The following PCDHGA6 variants were observed in gnomAD, a reference collection of about 807,000 sequenced individuals.
The protein encoded by PCDHGA6 is protocadherin gamma-A6.
PCDHGA6 carries 41 observed loss-of-function variants against 60.6 expected under a neutral mutation model. The observed-to-expected ratio is 0.68, with a 90% confidence interval of 0.53 to 0.88. The LOEUF is 0.88. PCDHGA6 is among the 40% of genes least tolerant of loss of function. The pLI, the probability that PCDHGA6 is intolerant of heterozygous loss-of-function variation, is 0.00. For synonymous variants in PCDHGA6, 594 were observed against 524.4 expected (o/e 1.13, Z -1.81); for missense variants, 1,312 against 1,203.0 (o/e 1.09, Z -1.34).
intron 1 of PCDHGA6, among the ~76,000 whole-genome samples, chr5:141,472,042 T>C (rs2099270232): frequency 2.0e-5 from 3 of 152,146 alleles, no homozygotes; most frequent in African/African-American, 7.2e-5. Context: ...TGTGAAAAGA[T>C]TTTAAAAATG....
intron 2 of PCDHGA6, among the ~76,000 whole-genome samples, chr5:141,497,781 C>T (rs2099779421): frequency 1.3e-5 from 2 of 152,192 alleles, no homozygotes; most frequent in African/African-American, 4.8e-5. Flanking sequence ...CTCAACTGAT[C>T]CACCTGCTTC....
chr5:141,392,794 G>A (rs1002894691), intron 1 of PCDHGA6: 2 of 1,563,344 alleles, frequency 1.3e-6, no homozygotes, highest in African/African-American at 1.4e-5. Flanking sequence ...ATTCTGAGAG[G>A]ATTCTGCAGC....
intron 1 of PCDHGA6, chr5:141,410,485 A>C (rs1277289074): frequency 6.2e-7 from 1 of 1,613,898 alleles, no homozygotes; most frequent in Admixed American, 1.7e-5. Context: ...ATACGGGTAC[A>C]AAAGAGTTTA....
In PCDHGA6 at chr5:141,510,353, C is replaced by G. The variant is rs74759939; in HGVS notation, c.2573-594C>G. On this transcript the variant is annotated intron_variant, in intron 3 of 3. Transcript: ENST00000517434. ...CACCCCCACCCCACACACTTACTAA[C>G]GGAACTACCGAATCTCTACTCGTGC... is the stretch of plus-strand genomic sequence containing the variant. Among the ~76,000 whole-genome samples the G allele has an allele frequency of 1.9e-4, 28 of 146,588 alleles. No homozygotes were observed. The East Asian group carries it at 5.6e-3, about 29-fold the overall frequency.
chr5:141,486,416 C>T lies in PCDHGA6; in HGVS notation c.2425-8391C>T, dbSNP rs2154580601. The T allele has an allele frequency of 6.2e-7, 1 of 1,614,152 alleles. No individual in the cohort carries two copies. The highest frequency in any genetic ancestry group is 8.5e-7 in the Non-Finnish European group (1 of 1,180,016). On this transcript the variant is annotated intron_variant, in intron 1 of 3. Coordinates refer to ENST00000517434, the MANE Select transcript of PCDHGA6 (RefSeq NM_018919.3). This position sits in a 1 kb window ranked among gnomAD's most constrained non-coding sequence, Gnocchi z 5.0. ...CCTGGTGACTGCTGGACCCTTGGAT[C>T]GAGAGGCCAAATCTAGCTATGACAT...
chr5:141,401,010 G>A (rs62378449), intron 1 of PCDHGA6, among the ~76,000 whole-genome samples: 17,448 of 152,052 alleles, frequency 0.11, 1,158 homozygotes, highest in African/African-American at 0.18. Context: ...CCTACCTAAT[G>A]GATTTATGAT....
In PCDHGA6 at chr5:141,420,606, G is replaced by A. The variant is rs141099124; in HGVS notation, c.2424+44099G>A. On this transcript the variant is annotated intron_variant, in intron 1 of 3. Coordinates refer to ENST00000517434, the MANE Select transcript of PCDHGA6 (RefSeq NM_018919.3). Reference sequence around the variant, plus strand: ...CCTGATGCTACTCAATTTTTCTCAAGTATTTCATCTTCATTTACTCAATAA... The same window carrying A: ...CCTGATGCTACTCAATTTTTCTCAAATATTTCATCTTCATTTACTCAATAA... Among the ~76,000 whole-genome samples the A allele has an allele frequency of 2.7e-3, 411 of 152,256 alleles. 1 individual carries two copies. Among genetic ancestry groups the A allele is most frequent in the African/African-American group, 9.4e-3 (392 of 41,546 alleles).
At chr5:141,406,859 TC>T (rs1171504234) in intron 1 of PCDHGA6, among the ~76,000 whole-genome samples, 1 of 152,252 alleles carries the variant, frequency 6.6e-6, no homozygotes, top group African/African-American at 2.4e-5. Flanking sequence ...AAGAAAATAT[TC>T]TCAGGAACTG....
chr5:141,469,296 A>T (rs2099196287), intron 1 of PCDHGA6, among the ~76,000 whole-genome samples: 1 of 149,742 alleles, frequency 6.7e-6, no homozygotes, highest in Non-Finnish European at 1.5e-5. Context: ...AACAAAATAG[A>T]CTGGGCACGA....
intron 1 of PCDHGA6, chr5:141,389,244 T>C: frequency 6.2e-7 from 1 of 1,614,036 alleles, no homozygotes; most frequent in Non-Finnish European, 8.5e-7. Context: ...CTCACAGTCT[T>C]CCTATATAGT....
chr5:141,474,430 C>T (rs2099349577), intron 1 of PCDHGA6, among the ~76,000 whole-genome samples: 1 of 152,212 alleles, frequency 6.6e-6, no homozygotes, highest in African/African-American at 2.4e-5. Flanking sequence ...TTGGTCCTCA[C>T]ACTTTGAGTA....
At position 141,485,671 on chromosome 5, in the gene PCDHGA6, G is replaced by T; in HGVS notation, c.2425-9136G>T. On this transcript the variant is annotated intron_variant, in intron 1 of 3. Coordinates refer to ENST00000517434, the MANE Select transcript of PCDHGA6 (RefSeq NM_018919.3). This position sits in a 1 kb window ranked among gnomAD's most constrained non-coding sequence, Gnocchi z 5.7. The stretch of plus-strand genomic sequence containing the variant: ...AGGATGCAGATGTGGGGAGCAATTC[G>T]ATTAGCAGCTATAGGCTGAGCTCCA... 6.2e-7 allele frequency: 1 copy of T among 1,612,860 alleles called. No homozygotes were observed. The highest frequency in any genetic ancestry group is 8.5e-7 in the Non-Finnish European group (1 of 1,179,040).
chr5:141,474,289 T>C (rs11956411), intron 1 of PCDHGA6, among the ~76,000 whole-genome samples: 31,178 of 152,120 alleles, frequency 0.2, 3,304 homozygotes, highest in Admixed American at 0.31. Context: ...ACCCACTAGA[T>C]CAGTGCTTGT....
chr5:141,462,486 G>A (rs62379193), intron 1 of PCDHGA6, among the ~76,000 whole-genome samples: 5,124 of 152,042 alleles, frequency 0.034, 100 homozygotes, highest in Middle Eastern at 0.088. Flanking sequence ...CGTGGTTGTT[G>A]TATCCTATAA....
At chr5:141,421,678 G>T in intron 1 of PCDHGA6, 3 of 1,613,892 alleles carry the variant, frequency 1.9e-6, no homozygotes, top group Non-Finnish European at 2.5e-6. Context: ...AATTCCTGGG[G>T]CGCGATTTGC....
rs1468315559 is a variant in PCDHGA6 at position 141,493,636 on chromosome 5, G to A, written c.2425-1171G>A. 1.3e-5 allele frequency among the ~76,000 whole-genome samples: 2 copies of A among 152,130 alleles called. No individual in the cohort carries two copies. Among genetic ancestry groups the A allele is most frequent in the Non-Finnish European group, 2.9e-5 (2 of 68,040 alleles). The stretch of plus-strand genomic sequence containing the variant: ...TGTGTCTAAGAATACAGTGGCTGAG[G>A]GCTGGCCATCCCTGTGCCCTTCTCC... On this transcript the variant is annotated intron_variant, in intron 1 of 3. Transcript: ENST00000517434. The surrounding 1 kb of genome is among the most constrained non-coding windows in gnomAD (Gnocchi z 4.3).
Position 141,494,830 on chromosome 5 carries a change from G to C in PCDHGA6, c.2448G>C (p.Trp816Cys), listed in dbSNP as rs2099757104. Residue 816 changes from tryptophan (W) to cysteine (C), a missense_variant, in exon 2 of 4, where the codon TGG (tryptophan) becomes TGC (cysteine). Coordinates refer to ENST00000517434, the MANE Select transcript of PCDHGA6 (RefSeq NM_018919.3). ...AGCAAGCCCCGCCCAACACGGACTG[G>C]CGTTTCTCTCAGGCCCAGAGACCCG... The part of the protein sequence containing the change: ...QLQQAPPNTD[W>C]RFSQAQRPGT... 6.2e-7 allele frequency: 1 copy of C among 1,614,098 alleles called. No homozygotes were observed. The highest frequency in any genetic ancestry group is 2.2e-5 in the East Asian group (1 of 44,862).
intron 1 of PCDHGA6, chr5:141,422,516 G>A (rs575294611): frequency 1.2e-6 from 2 of 1,614,014 alleles, no homozygotes; most frequent in African/African-American, 1.3e-5. Context: ...GACCAGGGAA[G>A]CCCGCCTTTG....
chr5:141,428,381 C>T, intron 1 of PCDHGA6: 1 of 516,406 alleles, frequency 1.9e-6, no homozygotes, highest in Non-Finnish European at 3.6e-6. Context: ...CTGCGATGCT[C>T]TTCCAGCCCC....
Sources: allele counts gnomAD v4.1 joint callset (sites outside exome capture counted in the v4.1 genomes callset), GRCh38; gene constraint gnomAD v4.1.1; non-coding constraint Gnocchi (gnomAD v3.1); transcripts MANE v1.5; gene names NCBI Gene and HGNC (gene_info 2026-07-23, HGNC 2026-07-21).